The following EML2 variants were observed in gnomAD, a reference collection of about 807,000 sequenced individuals.
The protein encoded by EML2 is EMAP like 2.
Under a neutral mutation model 84.7 loss-of-function variants are expected in EML2, and 59 were observed. That is an observed-to-expected ratio of 0.70 (90% confidence interval 0.56 to 0.86). The LOEUF (loss-of-function observed/expected upper bound fraction) is 0.86, where lower values mean the gene tolerates loss of function less well. Among genes scored for constraint, EML2 ranks in the 40% least tolerant of loss-of-function variants. The pLI is 0.00. For synonymous variants in EML2, 352 were observed against 348.9 expected (o/e 1.01, Z -0.10); for missense variants, 818 against 855.6 (o/e 0.96, Z 0.55).
Position 45,626,754 on chromosome 19 carries a change from A to G in EML2, c.692T>C (p.Phe231Ser). The G allele has an allele frequency of 6.2e-7, 1 of 1,613,830 alleles. No individual in the cohort carries two copies. Among genetic ancestry groups the G allele is most frequent in the South Asian group, 1.1e-5 (1 of 91,054 alleles). ...CAAGCTGCCCCCCTCCAAGGTCCAG[A>G]AGTAGATGTGAGATTTCCCGCAGGT... ...LITCGKSHIY[F>S]WTLEGGSLSK... Residue 231 changes from phenylalanine to serine, a missense_variant, in exon 8 of 19, where the codon TTC (phenylalanine) becomes TCC (serine). By Grantham distance (155) the Phe-to-Ser change is radical. Transcript: ENST00000245925.
intron 3 of EML2, among the ~76,000 whole-genome samples, chr19:45,636,268 C>T (rs1037659474): frequency 1.3e-5 from 2 of 152,152 alleles, no homozygotes; most frequent in Non-Finnish European, 2.9e-5. Context: ...GCCAATGCAC[C>T]CAGCCTGCCT....
chr19:45,642,392 A>G (rs1455673680), upstream of EML2: 1 of 1,520,846 alleles, frequency 6.6e-7, no homozygotes, highest in Admixed American at 2.0e-5. Flanking sequence ...GCCACCCAGG[A>G]GCTCCAGTGC....
intron 18 of EML2, among the ~76,000 whole-genome samples, chr19:45,610,937 G>A (rs906142831): frequency 1.5e-4 from 23 of 152,200 alleles, no homozygotes; most frequent in Admixed American, 4.6e-4. Flanking sequence ...ACGTGGGGAA[G>A]GCTATTCTAC....
At chr19:45,618,999 T>C in intron 12 of EML2, 61 bp downstream of exon 12, 1 of 1,499,702 alleles carries the variant, frequency 6.7e-7, no homozygotes, top group Non-Finnish European at 9.0e-7. Flanking sequence ...TGCTGAGCCC[T>C]GACACAGGGG....
intron 8 of EML2, among the ~76,000 whole-genome samples, chr19:45,625,537 C>T (rs1972208850): frequency 6.6e-6 from 1 of 152,132 alleles, no homozygotes. Flanking sequence ...CCACCGCACC[C>T]AGCCTGGTCC....
chr19:45,611,198 T>G (rs975787046), intron 18 of EML2, among the ~76,000 whole-genome samples: 1 of 152,008 alleles, frequency 6.6e-6, no homozygotes, highest in Non-Finnish European at 1.5e-5. Context: ...TCGCCTGAGG[T>G]TGGGGGTTCA....
rs1972099940 is a variant in EML2, at chr19:45,624,718, C to T, written c.841+1G>A. The T allele has an allele frequency of 1.2e-6, 2 of 1,612,440 alleles. No individual in the cohort carries two copies. Among genetic ancestry groups the T allele is most frequent in the East Asian group, 2.2e-5 (1 of 44,840 alleles). On this transcript the variant is annotated splice_donor_variant, in intron 9 of 18. Coordinates refer to ENST00000245925, the MANE Select transcript of EML2 (RefSeq NM_012155.4). LOFTEE classifies it high-confidence loss of function. The stretch of plus-strand genomic sequence containing the variant: ...AACCAAACAGATGGGGTGACACTGA[C>T]CTTTGCCCCAAACATAGAGGTTCCC...
chr19:45,613,944 C>T (rs970798805), intron 17 of EML2, among the ~76,000 whole-genome samples: 6 of 152,168 alleles, frequency 3.9e-5, no homozygotes, highest in African/African-American at 1.4e-4. Context: ...CTCATCAGTG[C>T]TCCTGTTAAA....
chr19:45,638,961 C>T (rs1568490330), intron 1 of EML2, 88 bp from the exon 2 acceptor site: 5 of 1,505,240 alleles, frequency 3.3e-6, no homozygotes, highest in Admixed American at 1.7e-5. Context: ...CACCGCTCCC[C>T]GGAGGTCTCC....
chr19:45,624,743 C>G lies in EML2; in HGVS notation c.817G>C (p.Gly273Arg), dbSNP rs1229479767. 6.2e-7 allele frequency: 1 copy of G among 1,613,826 alleles called. No homozygotes were observed. The highest frequency in any genetic ancestry group is 8.5e-7 in the Non-Finnish European group (1 of 1,179,906). Residue 273 changes from glycine to arginine, a missense_variant, in exon 9 of 19, where the codon GGG becomes CGG. By Grantham distance (125) the Gly-to-Arg change is moderately radical. Transcript: ENST00000245925. ...CCTTTGCCCCAAACATAGAGGTTCC[C>G]CCCAGAGTCCCCCGTGACCACGTCG... ...GGDVVTGDSG[G>R]NLYVWGKGGN...
At chr19:45,626,961 T>A in intron 7 of EML2, 122 bp from the exon 8 acceptor site, 4 of 210,334 alleles carry the variant, frequency 1.9e-5, no homozygotes, top group Non-Finnish European at 2.5e-5. Flanking sequence ...TGAACTTTTC[T>A]TTTTTTTTTT....
At position 45,616,511 on chromosome 19, in the gene EML2, A is replaced by G; in HGVS notation, c.1459T>C (p.Tyr487His). 1 of 1,609,942 alleles carries G rather than the reference A, an allele frequency of 6.2e-7. No homozygotes were observed. Among genetic ancestry groups the G allele is most frequent in the Admixed American group, 1.7e-5 (1 of 59,892 alleles). ...VGSHDNLVYV[Y>H]TVDQGGRKVS... ...TTGCGGCCGCCCTGGTCCACCGTGT[A>G]CACGTACACCAAGTTGTCGTGGGAG... Residue 487 changes from tyrosine to histidine, a missense_variant, in exon 15 of 19, where the codon TAC becomes CAC. Coordinates refer to ENST00000245925, the MANE Select transcript of EML2 (RefSeq NM_012155.4).
chr19:45,630,047 C>T lies in EML2; in HGVS notation c.511-1G>A. ...CTGCACACAGCAGGTTGCCTCCATT[C>T]TAAAGAGGAGGAGAGAGGAGGGGGA... On this transcript the variant is annotated splice_acceptor_variant, in intron 6 of 18. Transcript: ENST00000245925. LOFTEE classifies it high-confidence loss of function. The T allele has an allele frequency of 6.2e-7, 1 of 1,610,934 alleles. No homozygotes were observed. The highest frequency in any genetic ancestry group is 2.2e-5 in the East Asian group (1 of 44,796).
At position 45,613,241 on chromosome 19, in the gene EML2, G is replaced by C. The variant is rs945887820; in HGVS notation, c.1824+300C>G. Among the ~76,000 whole-genome samples the C allele has an allele frequency of 1.2e-4, 19 of 152,162 alleles. 1 individual carries two copies. Among genetic ancestry groups the C allele is most frequent in the African/African-American group, 4.3e-4 (18 of 41,426 alleles). ...CTCATAAGATCTGGTTGTATATCCT[G>C]TGCCTAGGTACATAGTAGGTGCTCA... On this transcript the variant is annotated intron_variant, in intron 18 of 18. Coordinates refer to ENST00000245925, the MANE Select transcript of EML2 (RefSeq NM_012155.4).
chr19:45,616,432 G>C (rs1304845952), intron 15 of EML2, 29 bp downstream of exon 15: 3 of 1,543,866 alleles, frequency 1.9e-6, no homozygotes. Context: ...CGGGGTGGCG[G>C]CGCGGGCTGG....
intron 1 of EML2, 38 bp from the exon 2 acceptor site, chr19:45,638,911 T>C (rs774651288): frequency 1.2e-6 from 2 of 1,612,760 alleles, no homozygotes; most frequent in East Asian, 4.5e-5. Context: ...AGGGTCTTAG[T>C]ATTCAGTTCA....
upstream of EML2, chr19:45,644,788 G>A: frequency 2.2e-6 from 1 of 456,344 alleles, no homozygotes; most frequent in South Asian, 1.5e-5. Context: ...ATGCATGGGA[G>A]GGCCAGGGCC....
Position 45,609,720 on chromosome 19 carries a change from G to T in EML2, c.1893C>A (p.Ser631Arg). Residue 631 changes from serine to arginine, a missense_variant, in exon 19 of 19, where the codon AGC (serine) becomes AGA (arginine). Coordinates refer to ENST00000245925, the MANE Select transcript of EML2 (RefSeq NM_012155.4). ...VTNVAFLWDD[S>R]MALTTGGKDT... ...CCTTGCCCCCTGTGGTCAGGGCCAT[G>T]CTGTCATCCCACAAGAAGGCCACAT... 6.2e-7 allele frequency: 1 copy of T among 1,613,712 alleles called. No homozygotes were observed. The highest frequency in any genetic ancestry group is 8.5e-7 in the Non-Finnish European group (1 of 1,179,860).
chr19:45,610,124 G>T (rs536125952), intron 18 of EML2, among the ~76,000 whole-genome samples: 2 of 152,120 alleles, frequency 1.3e-5, no homozygotes, highest in South Asian at 4.1e-4. Flanking sequence ...GAGGCCAGGC[G>T]TGGTGGCTCA....
Sources: gnomAD v4.1 joint callset for allele counts (sites outside exome capture counted in the v4.1 genomes callset) on GRCh38, gnomAD v4.1.1 for gene constraint, MANE v1.5 for transcripts, NCBI Gene and HGNC (gene_info 2026-07-23, HGNC 2026-07-21) for gene names.